The following RASGRF2 variants were observed in gnomAD, a reference collection of about 807,000 sequenced individuals.
RASGRF2 encodes the protein ras-specific guanine nucleotide-releasing factor 2.
A neutral mutation model predicts 151.0 loss-of-function variants in RASGRF2; 76 were observed. That is an observed-to-expected ratio of 0.50 (90% CI 0.42 to 0.61). The LOEUF (loss-of-function observed/expected upper bound fraction) is 0.61, where lower values mean the gene tolerates loss of function less well. RASGRF2 is among the 20% of genes least tolerant of loss of function. The probability of loss-of-function intolerance (pLI) is 0.00; values close to 1 mark genes in which losing one functional copy is unlikely to be tolerated. For missense variants in RASGRF2, 1,148 were observed against 1,564.6 expected (o/e 0.73, Z 4.49); for synonymous variants, 504 against 566.5 (o/e 0.89, Z 1.57).
At chr5:81,218,360 G>C (rs1561265495) in intron 25 of RASGRF2, among the ~76,000 whole-genome samples, 3 of 152,156 alleles carry the variant, frequency 2.0e-5, no homozygotes, top group African/African-American at 7.2e-5. Flanking sequence ...AATCTATCTT[G>C]AGTTGATTTT....
chr5:81,134,728 A>G (rs1753713093), intron 17 of RASGRF2, among the ~76,000 whole-genome samples: 1 of 152,154 alleles, frequency 6.6e-6, no homozygotes, highest in Non-Finnish European at 1.5e-5. Context: ...GTAGATGAAA[A>G]ACCTAAATTT....
At chr5:80,966,424 A>C (rs1747723973) in intron 1 of RASGRF2, among the ~76,000 whole-genome samples, 1 of 152,184 alleles carries the variant, frequency 6.6e-6, no homozygotes, top group Non-Finnish European at 1.5e-5. Flanking sequence ...TATTTGTTAA[A>C]TATCAACATA....
rs375420238 is a variant in RASGRF2 at position 81,073,103 on chromosome 5, C to G, written c.634-96C>G. On this transcript the variant is annotated intron_variant, in intron 4 of 26. Coordinates refer to ENST00000265080, the MANE Select transcript of RASGRF2 (RefSeq NM_006909.3). ...TCAATTTTAGAGGTTATCATGTTTT[C>G]TGCAAAATTGATTTTTAATTATATT... The G allele has an allele frequency of 1.8e-5, 26 of 1,417,310 alleles. No homozygotes were observed. The African/African-American group carries it at 3.7e-4, about 20-fold the overall frequency. 87.8% of individuals were successfully genotyped at this position (1,417,310 alleles called of 1,614,324 possible).
chr5:81,094,867 G>A lies in RASGRF2; in HGVS notation c.1630G>A (p.Gly544Arg), dbSNP rs546981925. ...TACATGTGTTCAAGCTAAAGGTTCT[G>A]GGCAAGTGTTTGGGCACCTGGATTT... ...DASDDDSKGS[G>R]QVFGHLDFKI... Residue 544 changes from glycine (G) to arginine (R), a missense_variant, in exon 12 of 27, where the codon GGG becomes AGG. By Grantham distance (125) the Gly-to-Arg change is moderately radical. Around this residue, in one of 5 missense-constraint regions of RASGRF2, gnomAD observed 646 missense variants for 807.4 expected, o/e 0.80. Transcript: ENST00000265080. 11 of 1,601,922 alleles carry A rather than the reference G, an allele frequency of 6.9e-6. No individual in the cohort carries two copies. In the African/African-American group the frequency reaches 1.1e-4, roughly 16 times the overall value.
chr5:81,164,459 A>C (rs1229162518), intron 17 of RASGRF2, among the ~76,000 whole-genome samples: 6 of 150,956 alleles, frequency 4.0e-5, no homozygotes, highest in Non-Finnish European at 2.9e-5. Context: ...GTTTGATGAA[A>C]AAAAAAAAAC....
intron 17 of RASGRF2, among the ~76,000 whole-genome samples, chr5:81,141,269 T>A (rs1335340789): frequency 6.6e-6 from 1 of 152,168 alleles, no homozygotes; most frequent in Admixed American, 6.5e-5. Flanking sequence ...TATCTTCTAT[T>A]CCTTTTACTG....
chr5:81,185,381 G>A (rs1301080729), intron 18 of RASGRF2, among the ~76,000 whole-genome samples: 1 of 152,162 alleles, frequency 6.6e-6, no homozygotes, highest in Non-Finnish European at 1.5e-5. Flanking sequence ...TGGGTCCATG[G>A]GGAGTCCAAT....
At chr5:80,969,637 G>T (rs1747852410) in intron 1 of RASGRF2, among the ~76,000 whole-genome samples, 1 of 150,032 alleles carries the variant, frequency 6.7e-6, no homozygotes, top group African/African-American at 2.5e-5. Flanking sequence ...ATTTTTAGTA[G>T]AGACGGGGTT....
chr5:81,015,803 T>G (rs1749612531), intron 1 of RASGRF2, among the ~76,000 whole-genome samples: 1 of 152,232 alleles, frequency 6.6e-6, no homozygotes, highest in Non-Finnish European at 1.5e-5. Context: ...TGCACTTAAA[T>G]TCATTGAGTA....
chr5:81,131,632 G>A (rs1753621902), intron 17 of RASGRF2, among the ~76,000 whole-genome samples: 1 of 151,702 alleles, frequency 6.6e-6, no homozygotes, highest in Admixed American at 6.6e-5. Context: ...TAGGATTACA[G>A]GTGTGAGCCA....
chr5:81,000,247 C>T (rs1182822327), intron 1 of RASGRF2, among the ~76,000 whole-genome samples: 1 of 152,172 alleles, frequency 6.6e-6, no homozygotes, highest in Non-Finnish European at 1.5e-5. Flanking sequence ...CTTTAAGTTC[C>T]AACCTCAGTC....
intron 1 of RASGRF2, among the ~76,000 whole-genome samples, chr5:80,978,081 G>C (rs555873075): frequency 6.6e-6 from 1 of 152,212 alleles, no homozygotes; most frequent in South Asian, 2.1e-4. Context: ...TTTCTGGTAC[G>C]TAAATCCTTC....
At chr5:81,147,449 A>G (rs58404485) in intron 17 of RASGRF2, among the ~76,000 whole-genome samples, 2 of 152,258 alleles carry the variant, frequency 1.3e-5, no homozygotes, top group South Asian at 2.1e-4. Flanking sequence ...CTGCACATGC[A>G]TCATAATGAG....
At position 81,180,274 on chromosome 5, in the gene RASGRF2, A is replaced by G. The variant is rs773831456; in HGVS notation, c.2786A>G (p.His929Arg). ...LNVLRHWVSK[H>R]AQDFELNNEL... is the part of the protein sequence containing the mutation. ...GTCCTCCGTCACTGGGTCTCAAAGC[A>G]CGCACAGGTAAGTCAGTGCCCTCAT... is the stretch of plus-strand genomic sequence containing the variant. Residue 929 changes from histidine to arginine, a missense_variant, in exon 18 of 27, where the codon CAC (histidine) becomes CGC (arginine). Transcript: ENST00000265080. 6.9e-6 allele frequency: 11 copies of G among 1,597,536 alleles called. No individual in the cohort carries two copies. The highest frequency in any genetic ancestry group is 1.7e-5 in the Admixed American group (1 of 59,964).
In RASGRF2 at chr5:81,212,360, T is replaced by A; in HGVS notation, c.3157-6T>A. Reference sequence around the variant, plus strand: ...ACTGCCTTTCGGGGCTTTTTGATTGTCTCAGATGAGTAACCTGGTGGCCTC... The same window carrying A: ...ACTGCCTTTCGGGGCTTTTTGATTGACTCAGATGAGTAACCTGGTGGCCTC... On this transcript the variant is annotated splice_region_variant and splice_polypyrimidine_tract_variant and intron_variant, in intron 22 of 26. Coordinates refer to ENST00000265080, the MANE Select transcript of RASGRF2 (RefSeq NM_006909.3). The A allele has an allele frequency of 6.3e-7, 1 of 1,593,788 alleles. No individual in the cohort carries two copies. Among genetic ancestry groups the A allele is most frequent in the South Asian group, 1.1e-5 (1 of 89,450 alleles).
chr5:81,145,904 C>T (rs1355763929), intron 17 of RASGRF2, among the ~76,000 whole-genome samples: 2 of 152,340 alleles, frequency 1.3e-5, no homozygotes, highest in East Asian at 3.9e-4. Context: ...ATAACTCATA[C>T]AGGTGGTATC....
intron 1 of RASGRF2, among the ~76,000 whole-genome samples, chr5:80,985,308 G>A (rs568722188): frequency 1.8e-4 from 28 of 152,184 alleles, no homozygotes; most frequent in African/African-American, 6.5e-4. Context: ...GGAAGATTGG[G>A]GTTAATTTTC....
intron 18 of RASGRF2, among the ~76,000 whole-genome samples, chr5:81,200,490 C>T (rs1755364346): frequency 6.6e-6 from 1 of 152,052 alleles, no homozygotes; most frequent in South Asian, 2.1e-4. Context: ...CGATGTGGCC[C>T]CATTAGTCTG....
At chr5:80,968,587 G>A (rs1425423609) in intron 1 of RASGRF2, among the ~76,000 whole-genome samples, 1 of 152,018 alleles carries the variant, frequency 6.6e-6, no homozygotes, top group Non-Finnish European at 1.5e-5. Flanking sequence ...TTATAATAAA[G>A]GAAAAAACTT....
Sources: allele counts gnomAD v4.1 joint callset (sites outside exome capture counted in the v4.1 genomes callset), GRCh38; gene constraint gnomAD v4.1.1; regional missense constraint gnomAD v4.1.1; transcripts MANE v1.5; gene names NCBI Gene and HGNC (gene_info 2026-07-23, HGNC 2026-07-21).